SLIT2: variants seen among roughly 807,000 people sequenced by gnomAD.
The protein encoded by SLIT2 is slit homolog 2 protein.
SLIT2 carries 41 observed loss-of-function variants against 185.7 expected under a neutral mutation model. The ratio of observed to expected loss-of-function variants is 0.22; its 90% confidence interval spans 0.17 to 0.29. The LOEUF (loss-of-function observed/expected upper bound fraction) is 0.29. SLIT2 is among the 10% of genes least tolerant of loss of function. SLIT2 has a pLI of 1.00. For missense variants in SLIT2, 1,571 were observed against 1,909.0 expected (o/e 0.82, Z 3.30); for synonymous variants, 693 against 680.2 (o/e 1.02, Z -0.29).
At position 20,305,584 on chromosome 4, in the gene SLIT2, C is replaced by T. The variant is rs542233154; in HGVS notation, c.395+36703C>T. Among the ~76,000 whole-genome samples, 14 of 152,120 alleles carry T rather than the reference C, an allele frequency of 9.2e-5. No homozygotes were observed. In the South Asian group the frequency reaches 2.5e-3, roughly 27 times the overall value. On this transcript the variant is annotated intron_variant, in intron 4 of 36. Coordinates refer to ENST00000504154, the MANE Select transcript of SLIT2 (RefSeq NM_004787.4). ...TTCCTTGTAAAAATGTGTAATTAAG[C>T]AATCCTGACCGGGCATGGTGGCTCA...
In SLIT2 at chr4:20,546,816, A is replaced by G. The variant is rs1051957004; in HGVS notation, c.2345+717A>G. On this transcript the variant is annotated intron_variant, in intron 22 of 36. Coordinates refer to ENST00000504154, the MANE Select transcript of SLIT2 (RefSeq NM_004787.4). The stretch of plus-strand genomic sequence containing the variant: ...AAATTGATATAATCTTTTACATATA[A>G]TACTATACTTTTAAAGTAGCCTTAT... Among the ~76,000 whole-genome samples the G allele has an allele frequency of 2.3e-4, 35 of 152,196 alleles. 1 individual carries two copies. The highest frequency in any genetic ancestry group is 7.9e-4 in the African/African-American group (33 of 41,568).
At chr4:20,366,786 TTTTAG>T (rs940564475) in intron 4 of SLIT2, among the ~76,000 whole-genome samples, 23 of 152,066 alleles carry the variant, frequency 1.5e-4, no homozygotes, top group African/African-American at 5.6e-4. Context: ...TTTAGGGTTT[TTTTAG>T]TTTAGTTTAT....
At chr4:20,573,970 AT>A (rs1369479857) in intron 29 of SLIT2, among the ~76,000 whole-genome samples, 2 of 151,294 alleles carry the variant, frequency 1.3e-5, no homozygotes, top group Non-Finnish European at 2.9e-5. Context: ...TTATTTATTT[AT>A]TGAGATGGAG....
intron 3 of SLIT2, among the ~76,000 whole-genome samples, 164 bp downstream of exon 3, chr4:20,258,103 C>G (rs1166304461): frequency 2.6e-5 from 4 of 151,704 alleles, no homozygotes; most frequent in Non-Finnish European, 5.9e-5. Context: ...AAATAGAGTT[C>G]CTGAATAAAA....
At chr4:20,435,477 A>G (rs948880432) in intron 4 of SLIT2, among the ~76,000 whole-genome samples, 1 of 152,226 alleles carries the variant, frequency 6.6e-6, no homozygotes, top group Non-Finnish European at 1.5e-5. Context: ...AAAAAACTGT[A>G]ATTAAATGAG....
intron 9 of SLIT2, among the ~76,000 whole-genome samples, chr4:20,501,446 C>A (rs538293661): frequency 6.6e-6 from 1 of 152,054 alleles, no homozygotes; most frequent in Non-Finnish European, 1.5e-5. Context: ...CCACCACACC[C>A]GGCTTTTTTG....
chr4:20,472,287 G>GATATATATCTATATAGATCT lies in SLIT2; in HGVS notation c.467+4471_467+4472insTCTATATAGATCTATATATA, dbSNP rs1560452839. 1.3e-4 allele frequency among the ~76,000 whole-genome samples: 2 copies of GATATATATCTATATAGATCT among 14,882 alleles called. 1 individual carries two copies. Among genetic ancestry groups the GATATATATCTATATAGATCT allele is most frequent in the Non-Finnish European group, 2.4e-4 (2 of 8,478 alleles). The allele number at this position is 14,882 out of a possible 152,430, so 9.8% of individuals were successfully genotyped here. A position where few individuals can be genotyped will look rare whatever the true frequency, so the allele number is the denominator to read the frequency against. ...ATATAGATATATATCTATATATATA[G>GATATATATCTATATAGATCT]ATATATAGATATATAGATCTATATA... On this transcript the variant is annotated intron_variant, in intron 5 of 36. Transcript: ENST00000504154.
intron 29 of SLIT2, among the ~76,000 whole-genome samples, chr4:20,579,425 A>G (rs570022870): frequency 8.5e-4 from 130 of 152,192 alleles, no homozygotes; most frequent in Non-Finnish European, 1.5e-3. Context: ...ACTGTATAAT[A>G]TAGTTTTTAA....
At chr4:20,485,097 C>T (rs977875710) in intron 6 of SLIT2, among the ~76,000 whole-genome samples, 1 of 152,128 alleles carries the variant, frequency 6.6e-6, no homozygotes, top group Non-Finnish European at 1.5e-5. Context: ...TAGTCAACAC[C>T]TCAATGTGTA....
At chr4:20,616,796 A>G in intron 34 of SLIT2, 114 bp from the exon 35 acceptor site, 1 of 1,204,664 alleles carries the variant, frequency 8.3e-7, no homozygotes, top group Non-Finnish European at 1.2e-6. Flanking sequence ...CACCCTGCCC[A>G]AATATCCTGC....
intron 22 of SLIT2, among the ~76,000 whole-genome samples, chr4:20,546,463 G>T (rs13132881): frequency 0.14 from 21,236 of 152,070 alleles, 2,035 homozygotes; most frequent in Non-Finnish European, 0.21. Flanking sequence ...TTGACTTTAA[G>T]CGAAAGATGG....
At chr4:20,574,480 T>A (rs1725907072) in intron 29 of SLIT2, among the ~76,000 whole-genome samples, 4 of 152,060 alleles carry the variant, frequency 2.6e-5, no homozygotes, top group Admixed American at 2.6e-4. Flanking sequence ...TGCAGTTGGA[T>A]TATGAGGATA....
chr4:20,577,384 C>T (rs968651647), intron 29 of SLIT2, among the ~76,000 whole-genome samples: 6 of 152,158 alleles, frequency 3.9e-5, no homozygotes, highest in Non-Finnish European at 7.4e-5. Flanking sequence ...AGCATATTTT[C>T]TTGAACCTTC....
intron 29 of SLIT2, among the ~76,000 whole-genome samples, chr4:20,573,959 T>TTTA (rs1560207112): frequency 6.6e-6 from 1 of 150,846 alleles, no homozygotes; most frequent in Non-Finnish European, 1.5e-5. Flanking sequence ...TATTTATTTA[T>TTTA]TTATTTATTT....
chr4:20,543,284 G>A (rs571328555), intron 21 of SLIT2, among the ~76,000 whole-genome samples: 1 of 152,102 alleles, frequency 6.6e-6, no homozygotes, highest in South Asian at 2.1e-4. Context: ...AAATTATATG[G>A]CCAGGATATA....
At chr4:20,597,503 A>G in intron 32 of SLIT2, among the ~76,000 whole-genome samples, 1 of 152,254 alleles carries the variant, frequency 6.6e-6, no homozygotes, top group East Asian at 1.9e-4. Context: ...AAGAAGCTGC[A>G]CTAGATTAAA....
intron 9 of SLIT2, among the ~76,000 whole-genome samples, chr4:20,497,513 A>G (rs568300605): frequency 2.6e-5 from 4 of 152,312 alleles, no homozygotes; most frequent in Admixed American, 2.0e-4. Context: ...AAACTTACCT[A>G]TGAAGAGAAC....
intron 8 of SLIT2, 116 bp from the exon 9 acceptor site, chr4:20,491,645 A>T (rs1340888266): frequency 3.7e-6 from 3 of 804,892 alleles, no homozygotes; most frequent in Non-Finnish European, 5.9e-6. Context: ...TTTTATCATC[A>T]TGTATTTAAA....
intron 21 of SLIT2, among the ~76,000 whole-genome samples, chr4:20,545,250 G>A (rs1353238654): frequency 6.6e-6 from 1 of 151,954 alleles, no homozygotes; most frequent in Non-Finnish European, 1.5e-5. Flanking sequence ...AATGACATTT[G>A]CACCCTTCAC....
Sources: allele counts gnomAD v4.1 joint callset (sites outside exome capture counted in the v4.1 genomes callset), GRCh38; gene constraint gnomAD v4.1.1; transcripts MANE v1.5; gene names NCBI Gene and HGNC (gene_info 2026-07-23, HGNC 2026-07-21).